PHIP: variants seen among roughly 807,000 people sequenced by gnomAD.
PHIP encodes the protein PHIP subunit of CUL4-Ring ligase complex.
PHIP carries 54 observed loss-of-function variants against 236.8 expected under a neutral mutation model. That is an observed-to-expected ratio of 0.23 (90% CI 0.18 to 0.29). PHIP has a LOEUF of 0.29. Among genes scored for constraint, PHIP ranks in the 10% least tolerant of loss-of-function variants. The probability of loss-of-function intolerance (pLI) is 1.00; values close to 1 mark genes in which losing one functional copy is unlikely to be tolerated. For missense variants in PHIP, 1,370 were observed against 2,190.8 expected (o/e 0.63, Z 7.48); for synonymous variants, 756 against 718.9 (o/e 1.05, Z -0.83).
chr6:78,982,675 G>A (rs1768616055), intron 23 of PHIP, among the ~76,000 whole-genome samples: 1 of 151,998 alleles, frequency 6.6e-6, no homozygotes, highest in Non-Finnish European at 1.5e-5. Context: ...TGGCAATTTT[G>A]TAAGTAAATA....
rs145161915 is a variant in PHIP at position 79,022,269 on chromosome 6, G to C, written c.924-3110C>G. 6.4e-4 allele frequency among the ~76,000 whole-genome samples: 97 copies of C among 152,290 alleles called. 1 individual carries two copies. The South Asian group carries it at 8.1e-3, about 13-fold the overall frequency. On this transcript the variant is annotated intron_variant, in intron 9 of 39. Coordinates refer to ENST00000275034, the MANE Select transcript of PHIP (RefSeq NM_017934.7). ...TTCAGAGTTGCTGGGAGAATTAAAT[G>C]AGTGTGATACATGTAAAGTGCTTAG...
rs1582174570 is a variant in PHIP, at chr6:78,988,066, A to G, written c.2460+143T>C. ...GCCATGCCTAGAAATAGATTTTTAG[A>G]AAATAAAAGCTGTATCATAAGACCC... On this transcript the variant is annotated intron_variant, in intron 21 of 39. Transcript: ENST00000275034. 1.7e-5 allele frequency: 8 copies of G among 481,942 alleles called. No individual in the cohort carries two copies. The South Asian group carries it at 4.1e-4, about 25-fold the overall frequency. 29.9% of individuals were successfully genotyped at this position (481,942 alleles called of 1,614,324 possible).
chr6:78,976,716 G>A (rs1031899318), intron 24 of PHIP, among the ~76,000 whole-genome samples: 18 of 146,872 alleles, frequency 1.2e-4, no homozygotes, highest in African/African-American at 4.5e-4. Context: ...GTGGGCGAAG[G>A]ACATGAACAG....
intron 4 of PHIP, among the ~76,000 whole-genome samples, chr6:79,069,048 TCTG>T (rs1582320012): frequency 6.6e-6 from 1 of 151,958 alleles, no homozygotes; most frequent in African/African-American, 2.4e-5. Flanking sequence ...TAGTTACACT[TCTG>T]CTCTCTATTA....
chr6:78,958,397 A>G lies in PHIP; in HGVS notation c.3782+78T>C, dbSNP rs566796058. On this transcript the variant is annotated intron_variant, in intron 32 of 39. Coordinates refer to ENST00000275034, the MANE Select transcript of PHIP (RefSeq NM_017934.7). Reference sequence around the variant, plus strand: ...TAAATGTTTCTTCTTTACAAACAGTATGTTTTCTATTTTAAGAGGAACTGT... The same window carrying G: ...TAAATGTTTCTTCTTTACAAACAGTGTGTTTTCTATTTTAAGAGGAACTGT... 4.3e-6 allele frequency: 4 copies of G among 930,728 alleles called. No homozygotes were observed. In the East Asian group the frequency reaches 1.0e-4, roughly 24 times the overall value. The allele number at this position is 930,728 out of a possible 1,614,324, so 57.7% of individuals were successfully genotyped here.
intron 20 of PHIP, among the ~76,000 whole-genome samples, chr6:78,989,739 T>A (rs1769097643): frequency 6.6e-6 from 1 of 152,184 alleles, no homozygotes; most frequent in Admixed American, 6.5e-5. Context: ...TTAATTTTAA[T>A]AGATATTAAC....
intron 15 of PHIP, among the ~76,000 whole-genome samples, chr6:79,014,518 C>A (rs1770744950): frequency 6.6e-6 from 1 of 151,574 alleles, no homozygotes; most frequent in African/African-American, 2.4e-5. Context: ...AAACACTGCT[C>A]GGTAAGTTGT....
At chr6:79,076,621 A>T (rs754327637) in intron 4 of PHIP, among the ~76,000 whole-genome samples, 2 of 152,226 alleles carry the variant, frequency 1.3e-5, no homozygotes, top group Admixed American at 1.3e-4. Context: ...ATTAAACAAA[A>T]TATGTCCCAA....
chr6:79,036,275 G>A (rs1771927772), intron 7 of PHIP, among the ~76,000 whole-genome samples: 1 of 152,096 alleles, frequency 6.6e-6, no homozygotes, highest in Non-Finnish European at 1.5e-5. Context: ...CACTGCTATT[G>A]TATACATCCC....
chr6:78,969,927 A>C lies in PHIP; in HGVS notation c.3123-10T>G. 5 of 1,581,458 alleles carry C rather than the reference A, an allele frequency of 3.2e-6. No homozygotes were observed. The highest frequency in any genetic ancestry group is 4.3e-6 in the Non-Finnish European group (5 of 1,157,688). On this transcript the variant is annotated splice_polypyrimidine_tract_variant and intron_variant, in intron 26 of 39. Coordinates refer to ENST00000275034, the MANE Select transcript of PHIP (RefSeq NM_017934.7). The stretch of plus-strand genomic sequence containing the variant: ...AGGCATATCATGGTATCTAATTACA[A>C]ACAGAAACAAATTGATTAGGTCACA...
intron 7 of PHIP, among the ~76,000 whole-genome samples, chr6:79,030,088 C>G (rs1401409797): frequency 6.6e-6 from 1 of 152,088 alleles, no homozygotes; most frequent in Non-Finnish European, 1.5e-5. Context: ...AGATATACCT[C>G]TTCTAAGGTG....
intron 7 of PHIP, among the ~76,000 whole-genome samples, chr6:79,039,116 G>A (rs922608500): frequency 1.3e-5 from 2 of 152,040 alleles, no homozygotes; most frequent in African/African-American, 2.4e-5. Context: ...CTACAATAAT[G>A]CAAAAGGGTT....
intron 31 of PHIP, among the ~76,000 whole-genome samples, chr6:78,959,034 T>C (rs1457856511): frequency 6.6e-6 from 1 of 152,082 alleles, no homozygotes; most frequent in African/African-American, 2.4e-5. Context: ...TCAAATGACA[T>C]ATACAAATGA....
At chr6:79,072,382 C>G (rs1247202582) in intron 4 of PHIP, among the ~76,000 whole-genome samples, 3 of 152,176 alleles carry the variant, frequency 2.0e-5, no homozygotes, top group African/African-American at 7.2e-5. Context: ...ATCCACAATG[C>G]CTTAACCATG....
At chr6:78,944,993 A>G (rs1052143218) in intron 39 of PHIP, among the ~76,000 whole-genome samples, 1 of 152,208 alleles carries the variant, frequency 6.6e-6, no homozygotes, top group Non-Finnish European at 1.5e-5. Flanking sequence ...TTGTGATCCA[A>G]TAATTACTTA....
At chr6:78,964,803 T>A (rs1185130565) in intron 29 of PHIP, among the ~76,000 whole-genome samples, 4 of 152,214 alleles carry the variant, frequency 2.6e-5, no homozygotes, top group Admixed American at 2.0e-4. Context: ...TAATATATTA[T>A]TTTTTAAAAA....
intron 38 of PHIP, 172 bp from the exon 39 acceptor site, chr6:78,945,669 CTTAATAG>C: frequency 1.6e-6 from 1 of 629,468 alleles, no homozygotes; most frequent in African/African-American, 1.9e-5. Flanking sequence ...ACTAGAAACT[CTTAATAG>C]TTTCAGCCCT....
At chr6:79,064,589 A>G (rs1773533221) in intron 4 of PHIP, among the ~76,000 whole-genome samples, 1 of 152,148 alleles carries the variant, frequency 6.6e-6, no homozygotes, top group South Asian at 2.1e-4. Flanking sequence ...TATTTCACCT[A>G]ACTGTTGAAC....
At chr6:79,045,469 C>G (rs956252059) in intron 6 of PHIP, among the ~76,000 whole-genome samples, 2 of 151,980 alleles carry the variant, frequency 1.3e-5, no homozygotes, top group African/African-American at 4.8e-5. Flanking sequence ...TCTTAAGTAC[C>G]TTAAAGACAA....
Sources: gnomAD v4.1 joint callset for allele counts (sites outside exome capture counted in the v4.1 genomes callset) on GRCh38, gnomAD v4.1.1 for gene constraint, MANE v1.5 for transcripts, NCBI Gene and HGNC (gene_info 2026-07-23, HGNC 2026-07-21) for gene names.